Variants in GLRX3 observed in about 807,000 individuals in gnomAD.
GLRX3 encodes glutaredoxin-3.
Under a neutral mutation model 49.5 loss-of-function variants are expected in GLRX3, and 22 were observed. The observed-to-expected ratio is 0.44, with a 90% CI of 0.32 to 0.63. GLRX3 has a LOEUF of 0.63. Among genes scored for constraint, GLRX3 ranks in the 30% least tolerant of loss-of-function variants. The pLI, the probability that GLRX3 is intolerant of heterozygous loss-of-function variation, is 0.05. For synonymous variants in GLRX3, 133 were observed against 140.0 expected, an observed-to-expected ratio of 0.95 and a Z score of 0.35; for missense variants, 385 against 396.3, an observed-to-expected ratio of 0.97 and a Z score of 0.24.
intron 2 of GLRX3, among the ~76,000 whole-genome samples, chr10:130,154,860 T>G (rs1862444676): frequency 6.6e-6 from 1 of 152,208 alleles, no homozygotes; most frequent in Non-Finnish European, 1.5e-5. Flanking sequence ...AAGGTAATTT[T>G]AGGTAGTAAT....
chr10:130,158,589 T>C (rs542074196), intron 2 of GLRX3, among the ~76,000 whole-genome samples: 1 of 152,292 alleles, frequency 6.6e-6, no homozygotes, highest in Non-Finnish European at 1.5e-5. Context: ...GGGCACTCCA[T>C]AGATGTTAGT....
rs1564994679 is a variant in GLRX3, at chr10:130,160,907, A to C, written c.388A>C (p.Lys130Gln). 7 of 1,613,472 alleles carry C rather than the reference A, an allele frequency of 4.3e-6. No individual in the cohort carries two copies. Among genetic ancestry groups the C allele is most frequent in the Non-Finnish European group, 5.9e-6 (7 of 1,179,374 alleles). ...SFLPSANEHL[K>Q]EDLNLRLKKL... Reference sequence around the variant, plus strand: ...CCTACCCAGCGCTAATGAACATCTTAAAGAAGATCTCAACCTTCGCTTGAA... The same window carrying C: ...CCTACCCAGCGCTAATGAACATCTTCAAGAAGATCTCAACCTTCGCTTGAA... Residue 130 changes from lysine (K) to glutamine (Q), a missense_variant, in exon 4 of 11, where the codon AAA (lysine) becomes CAA (glutamine). Lys to Gln is a moderately conservative substitution (Grantham distance 53). Transcript: ENST00000331244.
chr10:130,173,879 T>C (rs1449514267), intron 8 of GLRX3, among the ~76,000 whole-genome samples: 2 of 152,222 alleles, frequency 1.3e-5, no homozygotes, highest in African/African-American at 4.8e-5. Flanking sequence ...CCTTGGGAAC[T>C]TGTTTACTAA....
At chr10:130,163,341 G>T (rs971192156) in intron 4 of GLRX3, among the ~76,000 whole-genome samples, 10 of 152,192 alleles carry the variant, frequency 6.6e-5, no homozygotes, top group African/African-American at 2.4e-4. Flanking sequence ...AGAATTGCTT[G>T]AACCTGGGAG....
chr10:130,177,734 A>C (rs1429923116), intron 10 of GLRX3, among the ~76,000 whole-genome samples: 1 of 152,148 alleles, frequency 6.6e-6, no homozygotes, highest in Non-Finnish European at 1.5e-5. Context: ...CTGCTTGTTG[A>C]GTAGGTAGAA....
At chr10:130,177,270 G>A (rs1203278392) in intron 10 of GLRX3, among the ~76,000 whole-genome samples, 1 of 152,190 alleles carries the variant, frequency 6.6e-6, no homozygotes, top group Admixed American at 6.5e-5. Flanking sequence ...TGAGAAAATT[G>A]TGAGTTGTTA....
intron 4 of GLRX3, among the ~76,000 whole-genome samples, chr10:130,166,192 G>C (rs1225367733): frequency 7.0e-6 from 1 of 142,540 alleles, no homozygotes; most frequent in Non-Finnish European, 1.6e-5. Context: ...TTTCTCCTGT[G>C]ACAAAAAATG....
In GLRX3 at chr10:130,166,511, C is replaced by G; in HGVS notation, c.483C>G (p.Phe161Leu). ...KGTPQEPRCG[F>L]SKQMVEILHK... ...TATTTCTTTTTTTGTGTACAGGTTT[C>G]AGCAAGCAGATGGTGGAAATTCTTC... The change falls in exon 5 of 11, where the codon TTC (phenylalanine) becomes TTG (leucine). Residue 161 changes from phenylalanine to leucine, a missense_variant. By Grantham distance (22) the Phe-to-Leu change is conservative. Coordinates refer to ENST00000331244, the MANE Select transcript of GLRX3 (RefSeq NM_006541.5). 1.9e-6 allele frequency: 3 copies of G among 1,612,108 alleles called. No individual in the cohort carries two copies. Among genetic ancestry groups the G allele is most frequent in the African/African-American group, 1.3e-5 (1 of 74,980 alleles).
chr10:130,163,151 G>C (rs918381367), intron 4 of GLRX3, among the ~76,000 whole-genome samples: 3 of 152,122 alleles, frequency 2.0e-5, no homozygotes, highest in Non-Finnish European at 2.9e-5. Context: ...AGGGCTGGGC[G>C]TGGTGGCTCA....
chr10:130,160,126 T>A, intron 3 of GLRX3, 57 bp downstream of exon 3: 1 of 1,039,052 alleles, frequency 9.6e-7, no homozygotes, highest in East Asian at 2.4e-5. Flanking sequence ...TGGGGCTACC[T>A]ATTTTGTTTC....
chr10:130,140,842 G>A (rs752195981), intron 1 of GLRX3, among the ~76,000 whole-genome samples: 1 of 151,994 alleles, frequency 6.6e-6, no homozygotes, highest in African/African-American at 2.4e-5. Flanking sequence ...AACTATTATT[G>A]AGCATCAGAA....
intron 1 of GLRX3, among the ~76,000 whole-genome samples, chr10:130,138,439 T>C (rs1333865445): frequency 1.3e-5 from 2 of 152,090 alleles, no homozygotes; most frequent in Non-Finnish European, 2.9e-5. Flanking sequence ...CAATGGAGAG[T>C]GCAGGTGAGA....
intron 10 of GLRX3, among the ~76,000 whole-genome samples, chr10:130,175,841 C>T (rs1470318675): frequency 6.6e-6 from 1 of 152,234 alleles, no homozygotes; most frequent in Non-Finnish European, 1.5e-5. Context: ...ACAGACCCCA[C>T]TGCACCCCAG....
At chr10:130,162,546 A>G (rs540928806) in intron 4 of GLRX3, among the ~76,000 whole-genome samples, 1 of 152,294 alleles carries the variant, frequency 6.6e-6, no homozygotes, top group East Asian at 1.9e-4. Flanking sequence ...CTTCAGTTGA[A>G]TGGATTGTAT....
intron 1 of GLRX3, among the ~76,000 whole-genome samples, chr10:130,137,097 C>T (rs986773904): frequency 1.3e-5 from 2 of 152,224 alleles, no homozygotes; most frequent in Admixed American, 1.3e-4. Flanking sequence ...TTGAAGTCAG[C>T]CTTTAAAGTT....
At chr10:130,145,381 G>C in intron 2 of GLRX3, 62 bp downstream of exon 2, 1 of 824,528 alleles carries the variant, frequency 1.2e-6, no homozygotes, top group East Asian at 2.5e-5. Context: ...GTTAGATTAG[G>C]GCTGGGTGCG....
At chr10:130,166,117 C>T (rs1862679697) in intron 4 of GLRX3, among the ~76,000 whole-genome samples, 1 of 152,212 alleles carries the variant, frequency 6.6e-6, no homozygotes, top group Non-Finnish European at 1.5e-5. Flanking sequence ...GCCTCAGTTT[C>T]CCCAGTCTCT....
chr10:130,155,032 T>C (rs4751168), intron 2 of GLRX3, among the ~76,000 whole-genome samples: 86,113 of 151,750 alleles, frequency 0.57, 24,919 homozygotes, highest in African/African-American at 0.67. Context: ...GGTGCAGTGG[T>C]GTGATCATAG....
chr10:130,171,247 C>T (rs533968352), intron 7 of GLRX3, among the ~76,000 whole-genome samples: 20 of 152,288 alleles, frequency 1.3e-4, no homozygotes, highest in African/African-American at 4.6e-4. Context: ...GATCATTTTG[C>T]ATGAGTGAAT....
Sources: gnomAD v4.1 joint callset for allele counts (sites outside exome capture counted in the v4.1 genomes callset) on GRCh38, gnomAD v4.1.1 for gene constraint, MANE v1.5 for transcripts, NCBI Gene and HGNC (gene_info 2026-07-23, HGNC 2026-07-21) for gene names.